The following CNTN1 variants were observed in gnomAD, a reference collection of about 807,000 sequenced individuals.
CNTN1 encodes contactin-1.
CNTN1 carries 38 observed loss-of-function variants against 126.4 expected under a neutral mutation model. The observed-to-expected ratio is 0.30, with a 90% confidence interval of 0.23 to 0.39. The LOEUF (loss-of-function observed/expected upper bound fraction) is 0.39. CNTN1 is among the 10% of genes least tolerant of loss of function. The pLI, the probability that CNTN1 is intolerant of heterozygous loss-of-function variation, is 1.00. For missense variants in CNTN1, 1,009 were observed against 1,248.4 expected (o/e 0.81, Z 2.89); for synonymous variants, 413 against 422.6 (o/e 0.98, Z 0.28).
chr12:40,844,144 C>T (rs891513317), intron 1 of CNTN1, among the ~76,000 whole-genome samples: 4 of 138,564 alleles, frequency 2.9e-5, no homozygotes, highest in Non-Finnish European at 6.1e-5. Context: ...CTCAGCTCAC[C>T]GCAACCTCCG....
At chr12:40,814,774 T>C (rs1240610199) in intron 1 of CNTN1, among the ~76,000 whole-genome samples, 1 of 152,190 alleles carries the variant, frequency 6.6e-6, no homozygotes, top group African/African-American at 2.4e-5. Flanking sequence ...ATTGAATCTA[T>C]AAATTACCTT....
intron 14 of CNTN1, among the ~76,000 whole-genome samples, chr12:40,950,618 T>C (rs981540989): frequency 6.6e-6 from 1 of 152,150 alleles, no homozygotes; most frequent in African/African-American, 2.4e-5. Context: ...TGGAAAAGAG[T>C]TAATTAGATA....
intron 1 of CNTN1, among the ~76,000 whole-genome samples, chr12:40,820,141 A>C (rs1941399476): frequency 6.6e-6 from 1 of 152,198 alleles, no homozygotes; most frequent in Non-Finnish European, 1.5e-5. Flanking sequence ...GCAAAGGGGA[A>C]CCAGCATGTG....
At chr12:41,051,038 G>A (rs934915733) in intron 23 of CNTN1, among the ~76,000 whole-genome samples, 11 of 152,018 alleles carry the variant, frequency 7.2e-5, no homozygotes, top group East Asian at 5.8e-4. Flanking sequence ...ATGCATGCTC[G>A]GTGGAGATTC....
At chr12:40,744,704 G>A (rs1465778041) in intron 1 of CNTN1, among the ~76,000 whole-genome samples, 1 of 152,094 alleles carries the variant, frequency 6.6e-6, no homozygotes, top group Non-Finnish European at 1.5e-5. Flanking sequence ...CAGGTTGAAC[G>A]TGTGGATTAA....
intron 1 of CNTN1, among the ~76,000 whole-genome samples, chr12:40,842,492 A>G (rs762763591): frequency 1.6e-4 from 25 of 152,106 alleles, no homozygotes; most frequent in Non-Finnish European, 2.5e-4. Flanking sequence ...TATAGGCATC[A>G]AATTATCACA....
intron 15 of CNTN1, among the ~76,000 whole-genome samples, chr12:40,978,033 C>T (rs1947728379): frequency 6.6e-6 from 1 of 152,014 alleles, no homozygotes; most frequent in South Asian, 2.1e-4. Context: ...GAACTCCTGA[C>T]CTCAGGTAAT....
At chr12:40,877,623 A>G (rs1363037762) in intron 1 of CNTN1, among the ~76,000 whole-genome samples, 1 of 152,230 alleles carries the variant, frequency 6.6e-6, no homozygotes. Context: ...CAGTCTCTGA[A>G]TCAAACTAAG....
intron 6 of CNTN1, among the ~76,000 whole-genome samples, chr12:40,929,506 T>A (rs1945808518): frequency 1.3e-5 from 2 of 152,048 alleles, no homozygotes; most frequent in Admixed American, 6.6e-5. Flanking sequence ...GCAAGTTATG[T>A]AACCTCTTCG....
intron 1 of CNTN1, among the ~76,000 whole-genome samples, chr12:40,883,137 G>C (rs935406640): frequency 6.6e-6 from 1 of 151,548 alleles, no homozygotes; most frequent in Non-Finnish European, 1.5e-5. Context: ...AGAATAACTA[G>C]AGTTTTGAAC....
rs139915282 is a variant in CNTN1, at chr12:40,943,448, C to T, written c.1380-149C>T. ...TGAGAAAAAATATTATAACTAAAGG[C>T]TAGAATTTGTCATCTTACAAAAATG... On this transcript the variant is annotated intron_variant, in intron 12 of 23. Coordinates refer to ENST00000551295, the MANE Select transcript of CNTN1 (RefSeq NM_001843.4). 0.018 allele frequency: 11,452 copies of T among 626,160 alleles called. 115 individuals are homozygous for T. The highest frequency in any genetic ancestry group is 0.022 in the Non-Finnish European group (8,102 of 364,174). The allele number at this position is 626,160 out of a possible 1,614,324, so 38.8% of individuals were successfully genotyped here. A position where few individuals can be genotyped will look rare whatever the true frequency, so the allele number is the denominator to read the frequency against.
chr12:40,918,498 T>G, intron 3 of CNTN1, 141 bp from the exon 4 acceptor site: 1 of 735,214 alleles, frequency 1.4e-6, no homozygotes, highest in Non-Finnish European at 2.3e-6. Context: ...TGGCTCAGTA[T>G]TATGGAGGCA....
intron 1 of CNTN1, among the ~76,000 whole-genome samples, chr12:40,705,102 C>A (rs1400083492): frequency 6.6e-6 from 1 of 152,132 alleles, no homozygotes; most frequent in African/African-American, 2.4e-5. Context: ...CTTTTTAGTG[C>A]CTTCATTGTT....
intron 1 of CNTN1, among the ~76,000 whole-genome samples, chr12:40,768,317 C>T (rs148237853): frequency 4.6e-5 from 7 of 152,304 alleles, no homozygotes; most frequent in East Asian, 1.9e-4. Context: ...GTTCCTCCAC[C>T]GCGAGCCCGC....
chr12:40,890,396 T>C (rs897503294), intron 1 of CNTN1, among the ~76,000 whole-genome samples: 2 of 152,186 alleles, frequency 1.3e-5, no homozygotes, highest in African/African-American at 4.8e-5. Context: ...CTTGCTGTTG[T>C]ACATCCTATG....
At chr12:40,929,429 C>T (rs925148233) in intron 6 of CNTN1, among the ~76,000 whole-genome samples, 1 of 151,736 alleles carries the variant, frequency 6.6e-6, no homozygotes, top group Non-Finnish European at 1.5e-5. Context: ...GCAGATTAAT[C>T]ATGGCTTTCG....
intron 1 of CNTN1, among the ~76,000 whole-genome samples, chr12:40,850,648 G>A (rs747313606): frequency 4.6e-5 from 7 of 151,882 alleles, no homozygotes; most frequent in East Asian, 1.9e-4. Flanking sequence ...TAAAATATGA[G>A]CTAGTCTTTA....
chr12:40,693,987 C>T (rs1425303373), intron 1 of CNTN1, among the ~76,000 whole-genome samples: 1 of 152,202 alleles, frequency 6.6e-6, no homozygotes, highest in Non-Finnish European at 1.5e-5. Flanking sequence ...AATCTTCATC[C>T]ATTTCGCCGC....
At chr12:40,876,020 T>G (rs1943655844) in intron 1 of CNTN1, among the ~76,000 whole-genome samples, 1 of 152,042 alleles carries the variant, frequency 6.6e-6, no homozygotes, top group Admixed American at 6.6e-5. Context: ...ACATTATTTT[T>G]TATCTCCAAT....
Sources: gnomAD v4.1 joint callset for allele counts (sites outside exome capture counted in the v4.1 genomes callset) on GRCh38, gnomAD v4.1.1 for gene constraint, MANE v1.5 for transcripts, NCBI Gene and HGNC (gene_info 2026-07-23, HGNC 2026-07-21) for gene names.